SLC22A3: variants seen among roughly 807,000 people sequenced by gnomAD.
The protein encoded by SLC22A3 is solute carrier family 22 member 3, also known as EMT organic cation transporter 3.
SLC22A3 carries 51 observed loss-of-function variants against 59.1 expected under a neutral mutation model. The ratio of observed to expected loss-of-function variants is 0.86; its 90% CI spans 0.69 to 1.09. The LOEUF (loss-of-function observed/expected upper bound fraction) is 1.09, where lower values mean the gene tolerates loss of function less well. SLC22A3 is among the 50% of genes least tolerant of loss of function. The pLI is 0.00. For missense variants in SLC22A3, 711 were observed against 726.3 expected, an observed-to-expected ratio of 0.98 and a Z score of 0.24; for synonymous variants, 325 against 292.0, an observed-to-expected ratio of 1.11 and a Z score of -1.15.
intron 1 of SLC22A3, among the ~76,000 whole-genome samples, chr6:160,366,025 C>T (rs897449385): frequency 6.6e-6 from 1 of 152,164 alleles, no homozygotes; most frequent in Admixed American, 6.5e-5. Flanking sequence ...TCCCCCATGA[C>T]ACATGGGGAT....
chr6:160,406,733 C>T (rs11968705), intron 2 of SLC22A3, among the ~76,000 whole-genome samples: 2,037 of 152,300 alleles, frequency 0.013, 41 homozygotes, highest in Middle Eastern at 0.075. Context: ...GTCCTTATGA[C>T]TTGACACATA....
rs200478210 is a variant in SLC22A3 at position 160,437,131 on chromosome 6, G to T, written c.1208G>T (p.Arg403Leu). 1.2e-6 allele frequency: 2 copies of T among 1,614,150 alleles called. No individual in the cohort carries two copies. The highest frequency in any genetic ancestry group is 1.7e-6 in the Non-Finnish European group (2 of 1,180,000). The stretch of plus-strand genomic sequence containing the variant: ...CTCTTGATCTTACTAACCATTGAGC[G>T]CCTTGGACGACGCCTCCCCTTTGCG... ...GALLILLTIERLGRRLPFAAS... is the reference protein window; with the variant it reads ...GALLILLTIELLGRRLPFAAS... The change falls in exon 7 of 11, where the codon CGC becomes CTC. Residue 403 changes from arginine (R) to leucine (L), a missense_variant. Transcript: ENST00000275300.
intron 1 of SLC22A3, among the ~76,000 whole-genome samples, chr6:160,378,419 G>A (rs758048554): frequency 5.3e-5 from 8 of 152,130 alleles, no homozygotes; most frequent in Non-Finnish European, 1.0e-4. Context: ...GCTTTAAAAG[G>A]TACACGTGTT....
Position 160,437,071 on chromosome 6 carries a change from T to G in SLC22A3, c.1148T>G (p.Phe383Cys), listed in dbSNP as rs1396277821. The G allele has an allele frequency of 1.9e-6, 3 of 1,614,030 alleles. No homozygotes were observed. The Admixed American group carries it at 5.0e-5, about 27-fold the overall frequency. ...GIIGGNLYID[F>C]FISGVVELPG... ...ATAGGGGGCAACCTCTATATAGACTTTTTCATCTCGGGCGTGGTGGAACTG... is the reference window on the plus strand; with the variant it reads ...ATAGGGGGCAACCTCTATATAGACTGTTTCATCTCGGGCGTGGTGGAACTG... Residue 383 changes from phenylalanine (F) to cysteine (C), a missense_variant, in exon 7 of 11, where the codon TTT (phenylalanine) becomes TGT (cysteine). Transcript: ENST00000275300.
At chr6:160,404,375 A>C (rs1786917720) in intron 2 of SLC22A3, among the ~76,000 whole-genome samples, 2 of 152,090 alleles carry the variant, frequency 1.3e-5, no homozygotes, top group Non-Finnish European at 1.5e-5. Flanking sequence ...CTTAGATATA[A>C]ATCTAACAAC....
rs562146732 is a variant in SLC22A3 at position 160,368,149 on chromosome 6, C to T, written c.429+19301C>T. Among the ~76,000 whole-genome samples, 8 of 152,230 alleles carry T rather than the reference C, an allele frequency of 5.3e-5. No homozygotes were observed. In the South Asian group the frequency reaches 1.5e-3, roughly 28 times the overall value. ...AACTTCCAACCTGCCCCTCCCCACTCATACCCTCTCCCCCTACTCTTAGCA... is the reference window on the plus strand; with the variant it reads ...AACTTCCAACCTGCCCCTCCCCACTTATACCCTCTCCCCCTACTCTTAGCA... On this transcript the variant is annotated intron_variant, in intron 1 of 10. Coordinates refer to ENST00000275300, the MANE Select transcript of SLC22A3 (RefSeq NM_021977.4).
intron 1 of SLC22A3, among the ~76,000 whole-genome samples, chr6:160,363,778 C>A (rs1022690837): frequency 1.3e-5 from 2 of 152,088 alleles, no homozygotes; most frequent in African/African-American, 4.8e-5. Context: ...CATGTCCCTG[C>A]CCCCAGCACA....
chr6:160,407,118 A>C lies in SLC22A3; in HGVS notation c.611A>C (p.Asn204Thr), dbSNP rs1256150890. The change falls in exon 3 of 11, where the codon AAC becomes ACC. Residue 204 changes from asparagine to threonine, a missense_variant. Physicochemically the swap from Asn to Thr is moderately conservative, Grantham distance 65. Coordinates refer to ENST00000275300, the MANE Select transcript of SLC22A3 (RefSeq NM_021977.4). ...VTGVVVAFAP[N>T]FPVFVIFRFL... ...GGGGTTGTGGTGGCCTTTGCACCAA[A>C]CTTCCCTGTGTTTGTGATCTTCCGC... 6.2e-7 allele frequency: 1 copy of C among 1,612,174 alleles called. No individual in the cohort carries two copies. Among genetic ancestry groups the C allele is most frequent in the Middle Eastern group, 1.7e-4 (1 of 6,042 alleles).
At chr6:160,361,955 C>T (rs535875782) in intron 1 of SLC22A3, among the ~76,000 whole-genome samples, 99 of 152,310 alleles carry the variant, frequency 6.5e-4, no homozygotes, top group African/African-American at 2.3e-3. Flanking sequence ...CTTGAGAATA[C>T]AATGAAACAT....
chr6:160,367,141 A>C (rs1785233444), intron 1 of SLC22A3, among the ~76,000 whole-genome samples: 1 of 152,224 alleles, frequency 6.6e-6, no homozygotes, highest in Non-Finnish European at 1.5e-5. Flanking sequence ...TAAAGGAAAC[A>C]GGTTTAATTG....
intron 1 of SLC22A3, among the ~76,000 whole-genome samples, chr6:160,389,398 G>T (rs569169382): frequency 6.6e-6 from 1 of 152,268 alleles, no homozygotes; most frequent in African/African-American, 2.4e-5. Flanking sequence ...ATCCAACGTG[G>T]CCATGTGGGA....
intron 1 of SLC22A3, among the ~76,000 whole-genome samples, chr6:160,381,634 G>A (rs1785800044): frequency 6.6e-6 from 1 of 152,184 alleles, no homozygotes; most frequent in Non-Finnish European, 1.5e-5. Flanking sequence ...TAAACTCGTT[G>A]ATTTTATTTT....
Position 160,426,030 on chromosome 6 carries a change from T to C in SLC22A3, c.976-10750T>C, listed in dbSNP as rs920423100. 3 of 985,300 alleles carry C rather than the reference T, an allele frequency of 3.0e-6. No homozygotes were observed. The African/African-American group carries it at 5.2e-5, about 17-fold the overall frequency. The allele number at this position is 985,300 out of a possible 1,614,324, so 61.0% of individuals were successfully genotyped here. On this transcript the variant is annotated intron_variant, in intron 5 of 10. Transcript: ENST00000275300. ...GCACAAAGGACGTACCAGTGAACAA[T>C]GAGTTACCATGTGCAGAAAATATTC...
chr6:160,354,476 C>T (rs1024779946), intron 1 of SLC22A3, among the ~76,000 whole-genome samples: 98 of 152,220 alleles, frequency 6.4e-4, no homozygotes, highest in African/African-American at 2.2e-3. Flanking sequence ...AGATTTGACC[C>T]TGGAGCTGTA....
intron 2 of SLC22A3, among the ~76,000 whole-genome samples, chr6:160,405,643 T>C (rs750672416): frequency 1.5e-4 from 23 of 152,270 alleles, no homozygotes; most frequent in Non-Finnish European, 2.4e-4. Flanking sequence ...ATAGCAGCTT[T>C]CTTCATAATT....
At chr6:160,405,432 C>T (rs951039817) in intron 2 of SLC22A3, among the ~76,000 whole-genome samples, 2 of 152,072 alleles carry the variant, frequency 1.3e-5, no homozygotes, top group Non-Finnish European at 2.9e-5. Flanking sequence ...TGTGGAACAA[C>T]AGGAATTCTC....
chr6:160,406,962 A>G, intron 2 of SLC22A3, 79 bp from the exon 3 acceptor site: 1 of 1,489,318 alleles, frequency 6.7e-7, no homozygotes, highest in South Asian at 1.2e-5. Context: ...ATGGTATGAT[A>G]TAATATTTTA....
At position 160,436,822 on chromosome 6, in the gene SLC22A3, G is replaced by A; in HGVS notation, c.1018G>A (p.Asp340Asn). ...GGAAGTTAGTAATCCATCCTTTTTA[G>A]ATCTGGTGAGAACTCCCCAAATGAG... ...DEEVSNPSFL[D>N]LVRTPQMRKC... The change falls in exon 6 of 11, where the codon GAT becomes AAT. Residue 340 changes from aspartate (D) to asparagine (N), a missense_variant. Physicochemically the swap from Asp to Asn is conservative, Grantham distance 23 (BLOSUM62 1). Coordinates refer to ENST00000275300, the MANE Select transcript of SLC22A3 (RefSeq NM_021977.4). 6.2e-7 allele frequency: 1 copy of A among 1,613,540 alleles called. No homozygotes were observed. The highest frequency in any genetic ancestry group is 8.5e-7 in the Non-Finnish European group (1 of 1,179,762).
chr6:160,425,225 AT>A (rs1787904167), intron 5 of SLC22A3, among the ~76,000 whole-genome samples: 1 of 152,218 alleles, frequency 6.6e-6, no homozygotes, highest in South Asian at 2.1e-4. Flanking sequence ...ATTTTTTCAC[AT>A]TAAAAACTGA....
Sources: allele counts gnomAD v4.1 joint callset (sites outside exome capture counted in the v4.1 genomes callset), GRCh38; gene constraint gnomAD v4.1.1; transcripts MANE v1.5; gene names NCBI Gene and HGNC (gene_info 2026-07-23, HGNC 2026-07-21).